CENPO: variants seen among roughly 807,000 people sequenced by gnomAD.
CENPO encodes the protein centromeric protein O.
CENPO carries 30 observed loss-of-function variants against 36.1 expected under a neutral mutation model. The observed-to-expected ratio is 0.83, with a 90% CI of 0.62 to 1.13. The LOEUF (loss-of-function observed/expected upper bound fraction) is 1.13. Ranked by LOEUF, CENPO falls within the 50% of genes most tolerant of loss-of-function variation. CENPO has a pLI of 0.00. For missense variants in CENPO, 349 were observed against 357.8 expected (o/e 0.98, Z 0.20); for synonymous variants, 171 against 142.3 (o/e 1.20, Z -1.44).
intron 2 of CENPO, among the ~76,000 whole-genome samples, chr2:24,796,366 C>A (rs1665902192): frequency 6.6e-6 from 1 of 151,862 alleles, no homozygotes; most frequent in Admixed American, 6.6e-5. Flanking sequence ...AAAAAAATAA[C>A]CATTTCCGGA....
chr2:24,816,790 C>A lies in CENPO; in HGVS notation c.739C>A (p.Pro247Thr). The change falls in exon 6 of 8, where the codon CCC becomes ACC. Residue 247 changes from proline (P) to threonine (T), a missense_variant. Coordinates refer to ENST00000380834, the MANE Select transcript of CENPO (RefSeq NM_001322101.2). ...LLYKDLTATL[P>T]TDVTVTCQGV... ...GTATAAGGACCTCACAGCAACTCTT[C>A]CCACTGACGTCACCGTGACATGTCA... 6.2e-7 allele frequency: 1 copy of A among 1,605,002 alleles called. No homozygotes were observed. The highest frequency in any genetic ancestry group is 8.5e-7 in the Non-Finnish European group (1 of 1,175,966).
At chr2:24,818,913 A>G (rs1169186611) in intron 7 of CENPO, among the ~76,000 whole-genome samples, 5 of 152,394 alleles carry the variant, frequency 3.3e-5, no homozygotes, top group African/African-American at 1.2e-4. Context: ...TAACCCTGCA[A>G]TGGCCACGAA....
chr2:24,814,458 A>C lies in CENPO; in HGVS notation c.299A>C (p.Asn100Thr). The C allele has an allele frequency of 6.3e-7, 1 of 1,596,254 alleles. No homozygotes were observed. The highest frequency in any genetic ancestry group is 8.6e-7 in the Non-Finnish European group (1 of 1,163,694). ...EQEALEEKLE[N>T]VKAILQAYHF... Reference sequence around the variant, plus strand: ...GAAGCATTGGAAGAGAAATTGGAAAATGTGAAAGCCATTCTGCAGGCATAT... The same window carrying C: ...GAAGCATTGGAAGAGAAATTGGAAACTGTGAAAGCCATTCTGCAGGCATAT... The change falls in exon 4 of 8, where the codon AAT (asparagine) becomes ACT (threonine). Residue 100 changes from asparagine to threonine, a missense_variant. Asn to Thr is a moderately conservative substitution (Grantham distance 65). Transcript: ENST00000380834.
intron 3 of CENPO, among the ~76,000 whole-genome samples, chr2:24,809,344 A>G (rs1480604330): frequency 6.6e-6 from 1 of 151,618 alleles, no homozygotes; most frequent in Non-Finnish European, 1.5e-5. Flanking sequence ...ATTTTCATTG[A>G]TTTCTGCTCA....
At position 24,820,059 on chromosome 2, in the gene CENPO, C is replaced by T. The variant is rs779224629; in HGVS notation, c.*741C>T. On this transcript the variant is annotated 3_prime_UTR_variant, in exon 8 of 8. Coordinates refer to ENST00000380834, the MANE Select transcript of CENPO (RefSeq NM_001322101.2). ...CTTCCCCTTCACAAAGATGGGGCCT[C>T]GCCTCACAAAGCGGAAGCCGTACTC... The T allele has an allele frequency of 4.4e-6, 7 of 1,595,918 alleles. No individual in the cohort carries two copies. The highest frequency in any genetic ancestry group is 6.0e-6 in the Non-Finnish European group (7 of 1,171,510).
chr2:24,813,719 C>T (rs752340567), intron 3 of CENPO, among the ~76,000 whole-genome samples: 2 of 152,118 alleles, frequency 1.3e-5, no homozygotes, highest in African/African-American at 4.8e-5. Flanking sequence ...GAGACTGCTG[C>T]GGAGTCTAGT....
rs192303473 is a variant in CENPO, at chr2:24,817,533, C to G, written c.767-137C>G. On this transcript the variant is annotated intron_variant, in intron 6 of 7. Coordinates refer to ENST00000380834, the MANE Select transcript of CENPO (RefSeq NM_001322101.2). Reference sequence around the variant, plus strand: ...GTGATCCAGGTTCCGATTCCCCCAGCTGCACTGAGTGAGATTGAATGTCAG... The same window carrying G: ...GTGATCCAGGTTCCGATTCCCCCAGGTGCACTGAGTGAGATTGAATGTCAG... The G allele has an allele frequency of 7.3e-4, 819 of 1,124,826 alleles. 7 individuals are homozygous for G. The African/African-American group carries it at 0.011, about 16-fold the overall frequency. 69.7% of individuals were successfully genotyped at this position (1,124,826 alleles called of 1,614,324 possible).
chr2:24,795,387 T>C (rs4665720), intron 2 of CENPO, among the ~76,000 whole-genome samples: 106,465 of 151,832 alleles, frequency 0.7, 38,177 homozygotes, highest in Admixed American at 0.79. Context: ...GGATTTTGAC[T>C]TTTTTTGGGA....
Position 24,822,307 on chromosome 2 carries a change from A to AG in CENPO, c.*2994dup. ...ATCTTAGGCCTGAGCTGTGAACAGC[A>AG]GGGGGTTGTGTGTCTGTTCTGTTTC... On this transcript the variant is annotated 3_prime_UTR_variant, in exon 8 of 8. Transcript: ENST00000380834. The AG allele has an allele frequency of 1.5e-6, 1 of 652,126 alleles. No individual in the cohort carries two copies. The highest frequency in any genetic ancestry group is 2.5e-6 in the Non-Finnish European group (1 of 396,990). The allele number at this position is 652,126 out of a possible 1,614,324, so 40.4% of individuals were successfully genotyped here.
chr2:24,798,975 CTTTTTTTTTTTT>C (rs70947846), intron 2 of CENPO, among the ~76,000 whole-genome samples: 32 of 114,536 alleles, frequency 2.8e-4, no homozygotes, highest in African/African-American at 1.2e-3. Flanking sequence ...CTGGGGCTTC[CTTTTTTTTTTTT>C]TTTTTTTTTT....
At chr2:24,796,988 C>G (rs958392413) in intron 2 of CENPO, among the ~76,000 whole-genome samples, 32 of 152,120 alleles carry the variant, frequency 2.1e-4, no homozygotes, top group African/African-American at 7.5e-4. Flanking sequence ...CAGTAGGCCT[C>G]GTAGGCAGTG....
At chr2:24,798,115 T>A (rs1243531761) in intron 2 of CENPO, among the ~76,000 whole-genome samples, 1 of 152,116 alleles carries the variant, frequency 6.6e-6, no homozygotes, top group African/African-American at 2.4e-5. Context: ...CTGAAACACC[T>A]CTAGTCCCAA....
intron 5 of CENPO, 57 bp from the exon 6 acceptor site, chr2:24,816,589 C>T: frequency 1.5e-6 from 2 of 1,308,234 alleles, no homozygotes; most frequent in South Asian, 1.6e-5. Context: ...GGTCAGTAAA[C>T]ACCACCTTTG....
chr2:24,814,334 G>A (rs1341501057), intron 3 of CENPO, 42 bp from the exon 4 acceptor site: 4 of 951,528 alleles, frequency 4.2e-6, no homozygotes, highest in Non-Finnish European at 7.0e-6. Context: ...ATGTTGTAGT[G>A]TACCTCTTTG....
At chr2:24,815,817 T>TACAA in intron 5 of CENPO, 61 bp downstream of exon 5, 1 of 1,512,308 alleles carries the variant, frequency 6.6e-7, no homozygotes, top group South Asian at 1.2e-5. Context: ...AAAAGGGGGA[T>TACAA]GTTTTTTGTA....
intron 7 of CENPO, 124 bp downstream of exon 7, chr2:24,817,965 G>T: frequency 1.5e-6 from 1 of 685,210 alleles, no homozygotes; most frequent in Non-Finnish European, 2.3e-6. Context: ...TTTGAGTATA[G>T]ACACTGGCAT....
In CENPO at chr2:24,821,115, G is replaced by A. The variant is rs1270061715; in HGVS notation, c.*1797G>A. 2.1e-6 allele frequency: 1 copy of A among 479,678 alleles called. No homozygotes were observed. The highest frequency in any genetic ancestry group is 2.0e-5 in the African/African-American group (1 of 50,270). 29.7% of individuals were successfully genotyped at this position (479,678 alleles called of 1,614,324 possible). On this transcript the variant is annotated 3_prime_UTR_variant, in exon 8 of 8. Transcript: ENST00000380834. ...GCTTCTAACACAGCTGGTATTTCAAGTCTCCTGGGACCTCACTCAGGAATG... is the reference window on the plus strand; with the variant it reads ...GCTTCTAACACAGCTGGTATTTCAAATCTCCTGGGACCTCACTCAGGAATG...
In CENPO at chr2:24,816,691, C is replaced by T; in HGVS notation, c.640C>T (p.Leu214=). The change falls in exon 6 of 8, where the codon CTG becomes TTG. Residue 214 remains leucine (L), a synonymous_variant. Coordinates refer to ENST00000380834, the MANE Select transcript of CENPO (RefSeq NM_001322101.2). ...GACTGGGCCCTTGCAGAGAAACCCA[C>T]TGTGTAACTTGCTGTCATTTACTTA... The part of the protein sequence containing the change: ...LLTGPLQRNP[L]CNLLSFTYKL... 1 of 1,612,830 alleles carries T rather than the reference C, an allele frequency of 6.2e-7. No individual in the cohort carries two copies. Among genetic ancestry groups the T allele is most frequent in the South Asian group, 1.1e-5 (1 of 90,644 alleles).
chr2:24,797,971 T>C (rs1234342911), intron 2 of CENPO, among the ~76,000 whole-genome samples: 1 of 152,178 alleles, frequency 6.6e-6, no homozygotes, highest in Admixed American at 6.6e-5. Context: ...ATCCAAAATC[T>C]GAAATACTCC....
Sources: allele counts gnomAD v4.1 joint callset (sites outside exome capture counted in the v4.1 genomes callset), GRCh38; gene constraint gnomAD v4.1.1; transcripts MANE v1.5; gene names NCBI Gene and HGNC (gene_info 2026-07-23, HGNC 2026-07-21).